Variants in OR2L13 observed in about 807,000 individuals in gnomAD.
OR2L13 encodes the protein olfactory receptor family 2 subfamily L member 13, also known as olfactory receptor 2L13.
OR2L13 carries 14 observed loss-of-function variants against 15.3 expected under a neutral mutation model. That is an observed-to-expected ratio of 0.91 (90% CI 0.60 to 1.43). The LOEUF is 1.43. OR2L13 is among the 40% of genes most tolerant of loss of function. The pLI, the probability that OR2L13 is intolerant of heterozygous loss-of-function variation, is 0.00. For missense variants in OR2L13, 367 were observed against 387.9 expected (o/e 0.95, Z 0.45); for synonymous variants, 152 against 142.9 (o/e 1.06, Z -0.45).
chr1:248,064,254 G>T, the OR2L13 span, among the ~76,000 whole-genome samples: 39 of 152,248 alleles, frequency 2.6e-4, no homozygotes, highest in Non-Finnish European at 5.1e-4. Flanking sequence ...TCTTGAATAA[G>T]ATTAATGCCT....
chr1:247,952,710 A>C, the OR2L13 span, among the ~76,000 whole-genome samples: 3 of 152,096 alleles, frequency 2.0e-5, no homozygotes, highest in South Asian at 6.2e-4. Flanking sequence ...TGTTTTTGTT[A>C]ATTATTATTA....
the OR2L13 span, among the ~76,000 whole-genome samples, chr1:248,044,521 C>A: frequency 1.5e-5 from 2 of 133,804 alleles, no homozygotes; most frequent in South Asian, 4.2e-4. Flanking sequence ...ACGCCTTCCC[C>A]GGCCGGGCGC....
the OR2L13 span, chr1:248,084,122 A>G: frequency 6.2e-7 from 1 of 1,611,746 alleles, no homozygotes; most frequent in African/African-American, 1.3e-5. Context: ...GGGTAGCAAC[A>G]GCCTGCAGGA....
At chr1:248,096,617 C>T (rs191213133), upstream of OR2L13, among the ~76,000 whole-genome samples, 1 of 152,218 alleles carries the variant, frequency 6.6e-6, no homozygotes, top group African/African-American at 2.4e-5. Flanking sequence ...TTATAGTTGT[C>T]CTATACGTTG....
At chr1:248,039,106 T>C in the OR2L13 span, 1 of 1,614,112 alleles carries the variant, frequency 6.2e-7, no homozygotes, top group South Asian at 1.1e-5. Flanking sequence ...TACACCATCC[T>C]CACCCCAATG....
chr1:248,010,763 G>GTTTTTTTTTTTTTTTTTTTT, the OR2L13 span, among the ~76,000 whole-genome samples: 21 of 44,474 alleles, frequency 4.7e-4, 3 homozygotes, highest in African/African-American at 1.1e-3. Context: ...CTTTGTTGTT[G>GTTTTTTTTTTTTTTTTTTTT]TTTTTTTTTT....
At chr1:247,938,003 C>T in the OR2L13 span, among the ~76,000 whole-genome samples, 1 of 151,998 alleles carries the variant, frequency 6.6e-6, no homozygotes, top group Non-Finnish European at 1.5e-5. Flanking sequence ...AAATATGGTA[C>T]AAACATTTTA....
At chr1:248,013,118 C>G in the OR2L13 span, among the ~76,000 whole-genome samples, 1 of 151,424 alleles carries the variant, frequency 6.6e-6, no homozygotes, top group Non-Finnish European at 1.5e-5. Flanking sequence ...AAGATAACTC[C>G]AATATGTGAT....
At chr1:247,973,576 G>C in the OR2L13 span, among the ~76,000 whole-genome samples, 1 of 152,070 alleles carries the variant, frequency 6.6e-6, no homozygotes, top group Non-Finnish European at 1.5e-5. Flanking sequence ...TACAAGCAAT[G>C]TGCAGGGCCT....
the OR2L13 span, chr1:247,990,786 C>G: frequency 7.5e-6 from 12 of 1,602,900 alleles, no homozygotes; most frequent in Admixed American, 5.0e-5. Flanking sequence ...CCAGAGCCAT[C>G]AATCATTTTT....
the OR2L13 span, among the ~76,000 whole-genome samples, chr1:247,978,235 C>T: frequency 1.7e-4 from 26 of 152,296 alleles, no homozygotes; most frequent in Admixed American, 9.8e-4. Flanking sequence ...GGAACAAACT[C>T]CAGACATACT....
chr1:247,965,694 C>T, the OR2L13 span: 218 of 1,554,870 alleles, frequency 1.4e-4, no homozygotes, highest in Admixed American at 4.5e-4. Context: ...TGTTCTTGGC[C>T]CTTGGTGGAA....
At chr1:248,038,560 T>A in the OR2L13 span, 1 of 1,614,224 alleles carries the variant, frequency 6.2e-7, no homozygotes, top group East Asian at 2.2e-5. Flanking sequence ...GGATGTGGGA[T>A]TCAGAGTTTC....
At chr1:248,082,250 C>T in the OR2L13 span, among the ~76,000 whole-genome samples, 44 of 144,192 alleles carry the variant, frequency 3.1e-4, no homozygotes, top group East Asian at 7.7e-3. Flanking sequence ...GAACAAAAAA[C>T]CAAACACCAC....
the OR2L13 span, among the ~76,000 whole-genome samples, chr1:247,982,375 C>A: frequency 6.6e-6 from 1 of 152,076 alleles, no homozygotes; most frequent in African/African-American, 2.4e-5. Context: ...GTTGAAAAAT[C>A]TTTGTCTTCT....
chr1:248,072,458 C>T, the OR2L13 span, among the ~76,000 whole-genome samples: 1 of 152,202 alleles, frequency 6.6e-6, no homozygotes, highest in East Asian at 1.9e-4. Flanking sequence ...CTTCCTTACA[C>T]CTTATACAAA....
chr1:247,953,695 G>A, the OR2L13 span, among the ~76,000 whole-genome samples: 5,108 of 152,062 alleles, frequency 0.034, 287 homozygotes, highest in African/African-American at 0.12. Context: ...GTCTTTTTTG[G>A]CATGCAGCAA....
At chr1:248,055,491 C>T in the OR2L13 span, among the ~76,000 whole-genome samples, 202 of 152,194 alleles carry the variant, frequency 1.3e-3, 1 homozygote, top group Non-Finnish European at 2.3e-3. Context: ...CATGGTGACT[C>T]ATGCCTGTAA....
chr1:247,969,558 A>C, the OR2L13 span, among the ~76,000 whole-genome samples: 70 of 152,330 alleles, frequency 4.6e-4, no homozygotes, highest in Middle Eastern at 3.4e-3. Context: ...ATGCTATCTC[A>C]TTTAACAATA....
Sources: allele counts gnomAD v4.1 joint callset (sites outside exome capture counted in the v4.1 genomes callset), GRCh38; gene constraint gnomAD v4.1.1; transcripts MANE v1.5; gene names NCBI Gene and HGNC (gene_info 2026-07-23, HGNC 2026-07-21).